The following FNIP2 variants were observed in gnomAD, a reference collection of about 807,000 sequenced individuals.
FNIP2 encodes the protein folliculin-interacting protein 2.
In FNIP2, 32 loss-of-function variants were observed where a neutral mutation model predicts 108.7. The observed-to-expected ratio is 0.29, with a 90% CI of 0.22 to 0.40. The LOEUF (loss-of-function observed/expected upper bound fraction) is 0.40, where lower values mean the gene tolerates loss of function less well. Ranked by LOEUF, FNIP2 falls within the 10% of genes least tolerant of loss-of-function variation. FNIP2 has a pLI of 1.00. For synonymous variants in FNIP2, 480 were observed against 496.7 expected (o/e 0.97, Z 0.45); for missense variants, 1,202 against 1,381.6 (o/e 0.87, Z 2.06).
chr4:158,810,905 C>T (rs1209913166), intron 1 of FNIP2, among the ~76,000 whole-genome samples: 1 of 152,180 alleles, frequency 6.6e-6, no homozygotes, highest in Admixed American at 6.5e-5. Context: ...CTGAACTGGT[C>T]CCCACATCCC....
chr4:158,773,335 A>AC (rs1303449950), intron 1 of FNIP2, among the ~76,000 whole-genome samples: 2 of 152,140 alleles, frequency 1.3e-5, no homozygotes, highest in Non-Finnish European at 2.9e-5. Context: ...GAAGAAGGGA[A>AC]CCCTTCCTTT....
At chr4:158,848,423 G>C (rs1254243119) in intron 7 of FNIP2, among the ~76,000 whole-genome samples, 1 of 152,204 alleles carries the variant, frequency 6.6e-6, no homozygotes, top group Non-Finnish European at 1.5e-5. Context: ...GGCTTGTTCA[G>C]ATACAGCTGC....
intron 1 of FNIP2, among the ~76,000 whole-genome samples, chr4:158,809,241 T>A (rs1777137324): frequency 6.6e-6 from 1 of 152,120 alleles, no homozygotes; most frequent in South Asian, 2.1e-4. Flanking sequence ...GGCAGATCAC[T>A]TGAGGTCAGG....
At chr4:158,890,334 C>T (rs1294898776) in intron 14 of FNIP2, 3 of 985,120 alleles carry the variant, frequency 3.0e-6, no homozygotes, top group Non-Finnish European at 3.6e-6. Context: ...GTTTTTCCTA[C>T]TATTTTTCCT....
chr4:158,899,302 A>G (rs1275210650), intron 16 of FNIP2, among the ~76,000 whole-genome samples: 1 of 152,150 alleles, frequency 6.6e-6, no homozygotes, highest in African/African-American at 2.4e-5. Flanking sequence ...TATTGGCCTG[A>G]CATTTTCTTT....
intron 14 of FNIP2, among the ~76,000 whole-genome samples, chr4:158,871,221 G>T (rs1780929701): frequency 1.3e-5 from 2 of 152,174 alleles, no homozygotes; most frequent in Admixed American, 1.3e-4. Context: ...AGGGCAACAG[G>T]AACTAAGCAG....
intron 7 of FNIP2, among the ~76,000 whole-genome samples, chr4:158,840,933 A>G (rs1560793137): frequency 6.6e-6 from 1 of 152,236 alleles, no homozygotes; most frequent in Non-Finnish European, 1.5e-5. Flanking sequence ...AACTTACAAT[A>G]TATACTTTTA....
intron 1 of FNIP2, among the ~76,000 whole-genome samples, chr4:158,773,678 G>A (rs1775768981): frequency 6.6e-6 from 1 of 152,104 alleles, no homozygotes; most frequent in South Asian, 2.1e-4. Flanking sequence ...TTTTCTTTCT[G>A]TAGATGAGAG....
At chr4:158,814,394 C>T (rs1023024386) in intron 1 of FNIP2, among the ~76,000 whole-genome samples, 3 of 152,292 alleles carry the variant, frequency 2.0e-5, no homozygotes, top group East Asian at 3.9e-4. Flanking sequence ...TTGAGAAGGT[C>T]AGCTCAGTTG....
chr4:158,901,443 C>T (rs915764498), intron 16 of FNIP2, among the ~76,000 whole-genome samples: 4 of 152,132 alleles, frequency 2.6e-5, no homozygotes, highest in Admixed American at 1.3e-4. Flanking sequence ...TTTCAACCTC[C>T]GTGAATCTGA....
intron 8 of FNIP2, among the ~76,000 whole-genome samples, chr4:158,854,212 C>G (rs1241769052): frequency 6.6e-6 from 1 of 152,188 alleles, no homozygotes. Flanking sequence ...AATTTACTGT[C>G]CTGGTGCTCA....
At chr4:158,792,477 G>A (rs963630591) in intron 1 of FNIP2, among the ~76,000 whole-genome samples, 6 of 151,786 alleles carry the variant, frequency 4.0e-5, no homozygotes, top group Admixed American at 6.6e-5. Flanking sequence ...TGTGATGTGC[G>A]TTACAAAGAC....
chr4:158,897,021 G>A (rs776073380), intron 16 of FNIP2, among the ~76,000 whole-genome samples: 21 of 143,906 alleles, frequency 1.5e-4, no homozygotes, highest in African/African-American at 4.8e-4. Context: ...AATAGGCCCC[G>A]GTGTGTGATG....
At chr4:158,891,108 G>C (rs2126769307) in intron 14 of FNIP2, among the ~76,000 whole-genome samples, 1 of 152,268 alleles carries the variant, frequency 6.6e-6, no homozygotes, top group South Asian at 2.1e-4. Context: ...ATTTTCCTTG[G>C]TAAATGAGGG....
In FNIP2 at chr4:158,870,372, A is replaced by G. The variant is rs373943260; in HGVS notation, c.2852A>G (p.Tyr951Cys). The change falls in exon 14 of 17, where the codon TAC becomes TGC. Residue 951 changes from tyrosine to cysteine, a missense_variant. Transcript: ENST00000264433. ...TTTGGCCGCTCACTTCTGGCGGGCT[A>G]CTGCCCCACATACATGCCTGATCTT... Reference protein sequence around the residue: ...RNFGRSLLAGYCPTYMPDLVL... With the variant: ...RNFGRSLLAGCCPTYMPDLVL... 1.9e-6 allele frequency: 3 copies of G among 1,613,948 alleles called. No homozygotes were observed. Among genetic ancestry groups the G allele is most frequent in the African/African-American group, 1.3e-5 (1 of 74,950 alleles).
intron 12 of FNIP2, among the ~76,000 whole-genome samples, chr4:158,865,548 C>T (rs1312481587): frequency 1.3e-5 from 2 of 152,078 alleles, no homozygotes; most frequent in African/African-American, 4.8e-5. Context: ...TTAAAATATA[C>T]AATACTCAAA....
At chr4:158,875,804 T>A (rs2126727366) in intron 14 of FNIP2, among the ~76,000 whole-genome samples, 1 of 152,204 alleles carries the variant, frequency 6.6e-6, no homozygotes, top group South Asian at 2.1e-4. Flanking sequence ...TCTAGCACTG[T>A]CTTCTATAGC....
intron 7 of FNIP2, 124 bp from the exon 8 acceptor site, chr4:158,851,197 G>A: frequency 8.7e-7 from 1 of 1,143,804 alleles, no homozygotes; most frequent in Non-Finnish European, 1.2e-6. Context: ...GTACAGTTTA[G>A]TGATATTAAA....
intron 14 of FNIP2, among the ~76,000 whole-genome samples, chr4:158,881,288 CT>C (rs1367307262): frequency 6.8e-6 from 1 of 147,196 alleles, no homozygotes; most frequent in Non-Finnish European, 1.5e-5. Flanking sequence ...CTCTCCCTCT[CT>C]TTCCACGGTC....
Sources: gnomAD v4.1 joint callset for allele counts (sites outside exome capture counted in the v4.1 genomes callset) on GRCh38, gnomAD v4.1.1 for gene constraint, MANE v1.5 for transcripts, NCBI Gene and HGNC (gene_info 2026-07-23, HGNC 2026-07-21) for gene names.